The following MARCHF3 variants were observed in gnomAD, a reference collection of about 807,000 sequenced individuals.
MARCHF3 encodes the protein E3 ubiquitin-protein ligase MARCHF3.
Under a neutral mutation model 24.2 loss-of-function variants are expected in MARCHF3, and 13 were observed. That is an observed-to-expected ratio of 0.54 (90% CI 0.35 to 0.85). The LOEUF (loss-of-function observed/expected upper bound fraction) is 0.85. Ranked by LOEUF, MARCHF3 falls within the 40% of genes least tolerant of loss-of-function variation. The pLI is 0.01. For synonymous variants in MARCHF3, 144 were observed against 137.3 expected (o/e 1.05, Z -0.34); for missense variants, 276 against 325.0 (o/e 0.85, Z 1.16).
chr5:127,023,262 A>C (rs1397251193), intron 1 of MARCHF3, among the ~76,000 whole-genome samples: 1 of 152,214 alleles, frequency 6.6e-6, no homozygotes, highest in East Asian at 1.9e-4. Flanking sequence ...ATCCATGTAC[A>C]TATAAAAACT....
At chr5:126,897,357 G>A (rs1305504246) in intron 3 of MARCHF3, among the ~76,000 whole-genome samples, 1 of 151,922 alleles carries the variant, frequency 6.6e-6, no homozygotes. Flanking sequence ...TAAGGATGCG[G>A]ATTTGGATGC....
rs371372421 is a variant in MARCHF3 at position 126,915,041 on chromosome 5, C to G, written c.282G>C (p.Gly94=). 3.1e-5 allele frequency: 50 copies of G among 1,614,192 alleles called. No individual in the cohort carries two copies. In the South Asian group the frequency reaches 5.1e-4, roughly 16 times the overall value. ...LSPCECTGTL[G]TIHRSCLEHW... The stretch of plus-strand genomic sequence containing the variant: ...GCTCCAGGCAGCTCCGATGAATTGT[C>G]CCCAAGGTCCCTGTACATTCACATG... The change falls in exon 3 of 5, where the codon GGG becomes GGC. Residue 94 remains glycine (G), a synonymous_variant. Transcript: ENST00000308660.
chr5:126,892,870 G>C (rs1437367947), intron 3 of MARCHF3, among the ~76,000 whole-genome samples: 1 of 151,562 alleles, frequency 6.6e-6, no homozygotes, highest in Non-Finnish European at 1.5e-5. Flanking sequence ...AATGGTACCA[G>C]TTCCTCCTTG....
chr5:126,949,292 A>C (rs1307824227), intron 1 of MARCHF3, among the ~76,000 whole-genome samples: 1 of 152,228 alleles, frequency 6.6e-6, no homozygotes, highest in African/African-American at 2.4e-5. Context: ...ATTAAAGATC[A>C]TAACACACAG....
intron 1 of MARCHF3, among the ~76,000 whole-genome samples, chr5:126,923,676 C>G (rs1298081073): frequency 6.6e-6 from 1 of 152,148 alleles, no homozygotes; most frequent in Non-Finnish European, 1.5e-5. Flanking sequence ...AAGTTTCAGT[C>G]CAGCAAGATG....
chr5:127,012,060 T>C (rs1487130570), intron 1 of MARCHF3, among the ~76,000 whole-genome samples: 1 of 152,222 alleles, frequency 6.6e-6, no homozygotes, highest in African/African-American at 2.4e-5. Flanking sequence ...ACATAGTGCT[T>C]GGGCCTCTAA....
At chr5:126,943,230 G>A (rs957233904) in intron 1 of MARCHF3, among the ~76,000 whole-genome samples, 1 of 152,172 alleles carries the variant, frequency 6.6e-6, no homozygotes, top group African/African-American at 2.4e-5. Flanking sequence ...GGAGGTAGAG[G>A]TTGCAGTGAG....
At chr5:126,871,422 C>T (rs965623292) in intron 4 of MARCHF3, among the ~76,000 whole-genome samples, 2 of 152,164 alleles carry the variant, frequency 1.3e-5, no homozygotes, top group African/African-American at 2.4e-5. Flanking sequence ...TAAATCTTCT[C>T]GAGCCTCAGG....
chr5:126,962,235 T>TCC (rs962858089), intron 1 of MARCHF3, among the ~76,000 whole-genome samples: 2 of 151,756 alleles, frequency 1.3e-5, no homozygotes, highest in African/African-American at 4.8e-5. Flanking sequence ...TCTATATATC[T>TCC]CTCTCTCTAT....
intron 3 of MARCHF3, among the ~76,000 whole-genome samples, chr5:126,906,706 C>T (rs971244034): frequency 1.3e-5 from 2 of 152,148 alleles, no homozygotes; most frequent in Non-Finnish European, 2.9e-5. Context: ...ATTCTTCTCT[C>T]TTTTTTTCTT....
rs1402119285 is a variant in MARCHF3 at position 126,907,522 on chromosome 5, T to C, written c.393+7408A>G. 2.6e-5 allele frequency among the ~76,000 whole-genome samples: 4 copies of C among 152,190 alleles called. No homozygotes were observed. In the East Asian group the frequency reaches 5.8e-4, roughly 22 times the overall value. On this transcript the variant is annotated intron_variant, in intron 3 of 4. Transcript: ENST00000308660. ...TGCTCCTGTATTGGGTGCATATATA[T>C]ATTTAGGATAGTTAGCTCTTCTTGT...
At chr5:126,979,965 A>G (rs895297515) in intron 1 of MARCHF3, among the ~76,000 whole-genome samples, 1 of 151,774 alleles carries the variant, frequency 6.6e-6, no homozygotes, top group Non-Finnish European at 1.5e-5. Context: ...AAAAAAAAAA[A>G]AAAAAAGAAA....
chr5:126,960,057 T>G (rs2126821729), intron 1 of MARCHF3, among the ~76,000 whole-genome samples: 1 of 152,256 alleles, frequency 6.6e-6, no homozygotes, highest in Middle Eastern at 3.4e-3. Context: ...CTGTGTGATA[T>G]TCCCTGCTAA....
intron 1 of MARCHF3, among the ~76,000 whole-genome samples, chr5:126,925,700 G>T (rs1749271035): frequency 6.6e-6 from 1 of 152,178 alleles, no homozygotes; most frequent in Non-Finnish European, 1.5e-5. Flanking sequence ...CTGAGGGAGG[G>T]GGGTTGCACA....
intron 3 of MARCHF3, among the ~76,000 whole-genome samples, chr5:126,882,277 T>C (rs867254747): frequency 1.1e-4 from 17 of 152,222 alleles, no homozygotes; most frequent in African/African-American, 3.9e-4. Context: ...GTGGGACACA[T>C]TTAAGTCCTG....
intron 4 of MARCHF3, among the ~76,000 whole-genome samples, chr5:126,871,226 A>G (rs1241946384): frequency 2.0e-5 from 3 of 152,124 alleles, no homozygotes; most frequent in Admixed American, 6.5e-5. Context: ...CCTTCCTGCA[A>G]GTTAGACCCT....
chr5:126,985,547 G>A (rs540864742), intron 1 of MARCHF3, among the ~76,000 whole-genome samples: 118 of 149,538 alleles, frequency 7.9e-4, no homozygotes, highest in Non-Finnish European at 1.4e-3. Flanking sequence ...TTGGCTCACT[G>A]CAACCTCCCC....
Position 126,986,681 on chromosome 5 carries a change from A to T in MARCHF3, c.-57+43669T>A, listed in dbSNP as rs183802246. Among the ~76,000 whole-genome samples the T allele has an allele frequency of 8.6e-5, 13 of 151,986 alleles. No individual in the cohort carries two copies. The East Asian group carries it at 2.3e-3, about 27-fold the overall frequency. ...CTAGAGTAATATGTAAGGCAAATAA[A>T]TTTGAGCTAAATCATATGCCTTTTC... On this transcript the variant is annotated intron_variant, in intron 1 of 4. Coordinates refer to ENST00000308660, the MANE Select transcript of MARCHF3 (RefSeq NM_178450.5).
chr5:126,921,384 A>T (rs1749102656), intron 1 of MARCHF3, among the ~76,000 whole-genome samples: 1 of 152,162 alleles, frequency 6.6e-6, no homozygotes, highest in Admixed American at 6.5e-5. Context: ...AGTGAAAGGG[A>T]AGCCCAGAGG....
Sources: gnomAD v4.1 joint callset for allele counts (sites outside exome capture counted in the v4.1 genomes callset) on GRCh38, gnomAD v4.1.1 for gene constraint, MANE v1.5 for transcripts, NCBI Gene and HGNC (gene_info 2026-07-23, HGNC 2026-07-21) for gene names.